The following COL5A2 variants were observed in gnomAD, a reference collection of about 807,000 sequenced individuals.
COL5A2 encodes collagen type V alpha 2 chain, also known as collagen alpha-2(V) chain.
A neutral mutation model predicts 208.2 loss-of-function variants in COL5A2; 23 were observed. The observed-to-expected ratio is 0.11, with a 90% CI of 0.08 to 0.16. The LOEUF is 0.16. COL5A2 is among the 10% of genes least tolerant of loss of function. The pLI is 1.00. For missense variants in COL5A2, 1,590 were observed against 1,956.4 expected (o/e 0.81, Z 3.53); for synonymous variants, 625 against 628.5 (o/e 0.99, Z 0.08).
At chr2:189,301,138 G>A in the COL5A2 span, among the ~76,000 whole-genome samples, 3 of 152,036 alleles carry the variant, frequency 2.0e-5, no homozygotes, top group African/African-American at 7.3e-5. Context: ...AGTGAGCCAT[G>A]ATCATGCCAC....
Position 189,034,086 on chromosome 2 carries a change from G to A in COL5A2, c.4484C>T (p.Pro1495Leu), listed in dbSNP as rs1173449762. 6.2e-7 allele frequency: 1 copy of A among 1,613,892 alleles called. No individual in the cohort carries two copies. ...TGGCTTACTTTACACAAAACAAACTGGCCCAATTTCAACGCCGAATTCCTG... is the reference window on the plus strand; with the variant it reads ...TGGCTTACTTTACACAAAACAAACTAGCCCAATTTCAACGCCGAATTCCTG... ...TDQEFGVEIG[P>L]VCFV Residue 1495 changes from proline (P) to leucine (L), a missense_variant, in exon 54 of 54, where the codon CCA becomes CTA. Physicochemically the swap from Pro to Leu is moderately conservative, Grantham distance 98 (BLOSUM62 -3). Coordinates refer to ENST00000374866, the MANE Select transcript of COL5A2 (RefSeq NM_000393.5).
the COL5A2 span, among the ~76,000 whole-genome samples, chr2:189,353,852 A>G: frequency 6.6e-6 from 1 of 152,080 alleles, no homozygotes; most frequent in Admixed American, 6.6e-5. Context: ...AGAGAGGGCA[A>G]CCTTGTCTTA....
At chr2:189,152,929 C>G (rs1422989585) in intron 1 of COL5A2, among the ~76,000 whole-genome samples, 2 of 152,194 alleles carry the variant, frequency 1.3e-5, no homozygotes, top group Middle Eastern at 3.4e-3. Flanking sequence ...ACTGTAAAAT[C>G]AACACGTGTT....
the COL5A2 span, among the ~76,000 whole-genome samples, chr2:189,333,345 T>C: frequency 1.3e-5 from 2 of 152,166 alleles, no homozygotes; most frequent in Non-Finnish European, 2.9e-5. Flanking sequence ...AGAGTAAGTA[T>C]AAATTACTAA....
chr2:189,127,217 T>C (rs556992171), intron 1 of COL5A2, among the ~76,000 whole-genome samples: 1 of 151,890 alleles, frequency 6.6e-6, no homozygotes, highest in Non-Finnish European at 1.5e-5. Context: ...AAAGCAAAAT[T>C]GAGTGGTTAA....
chr2:189,201,524 G>C (rs953539679), intron 1 of COL5A2, among the ~76,000 whole-genome samples: 1 of 151,848 alleles, frequency 6.6e-6, no homozygotes, highest in Non-Finnish European at 1.5e-5. Context: ...TAGAAGGAGG[G>C]AAACAAGAAA....
chr2:189,116,499 C>T (rs1687393632), intron 1 of COL5A2, among the ~76,000 whole-genome samples: 1 of 152,182 alleles, frequency 6.6e-6, no homozygotes, highest in African/African-American at 2.4e-5. Context: ...AAGTTAGATA[C>T]ATATGAAGCC....
At chr2:189,361,966 T>C in the COL5A2 span, among the ~76,000 whole-genome samples, 6 of 152,158 alleles carry the variant, frequency 3.9e-5, no homozygotes, top group Admixed American at 1.3e-4. Flanking sequence ...ATGTTGCCTA[T>C]CTCTTAGCCA....
chr2:189,436,849 G>A, the COL5A2 span, among the ~76,000 whole-genome samples: 9 of 152,250 alleles, frequency 5.9e-5, no homozygotes, highest in South Asian at 4.1e-4. Flanking sequence ...GGGGCCTGTC[G>A]CAGGGGTGGC....
intron 1 of COL5A2, among the ~76,000 whole-genome samples, chr2:189,115,167 A>T (rs897162364): frequency 6.6e-6 from 1 of 152,200 alleles, no homozygotes; most frequent in Admixed American, 6.5e-5. Context: ...TTATCTGATC[A>T]CATTTTATTT....
the COL5A2 span, among the ~76,000 whole-genome samples, chr2:189,410,339 T>C: frequency 6.6e-6 from 1 of 152,086 alleles, no homozygotes; most frequent in African/African-American, 2.4e-5. Context: ...AGAGGCCAAG[T>C]TGGGAGGATT....
At chr2:189,396,664 A>G in the COL5A2 span, among the ~76,000 whole-genome samples, 2 of 112,846 alleles carry the variant, frequency 1.8e-5, no homozygotes, top group Non-Finnish European at 3.6e-5. Flanking sequence ...ACAGAGCAAG[A>G]CTCCATTAAA....
At chr2:189,171,156 C>T (rs1447693706) in intron 1 of COL5A2, among the ~76,000 whole-genome samples, 1 of 151,794 alleles carries the variant, frequency 6.6e-6, no homozygotes, top group Non-Finnish European at 1.5e-5. Flanking sequence ...GGGTGGCAGC[C>T]TCAAGCAATT....
the COL5A2 span, among the ~76,000 whole-genome samples, chr2:189,245,309 G>T: frequency 6.6e-6 from 1 of 151,858 alleles, no homozygotes; most frequent in Non-Finnish European, 1.5e-5. Context: ...TACTTCTTTG[G>T]TTTTACCCAC....
chr2:189,204,390 T>C (rs551634822), intron 1 of COL5A2, among the ~76,000 whole-genome samples: 1 of 152,352 alleles, frequency 6.6e-6, no homozygotes, highest in Admixed American at 6.5e-5. Flanking sequence ...CATAGTACCT[T>C]ACTTCTCCCA....
At chr2:189,221,018 CAA>C (rs1212366115) in intron 1 of COL5A2, among the ~76,000 whole-genome samples, 1 of 151,992 alleles carries the variant, frequency 6.6e-6, no homozygotes, top group East Asian at 1.9e-4. Flanking sequence ...AATAGGTGTT[CAA>C]ATATCAGTTA....
chr2:189,425,331 C>A, the COL5A2 span, among the ~76,000 whole-genome samples: 5 of 152,070 alleles, frequency 3.3e-5, no homozygotes, highest in Non-Finnish European at 2.9e-5. Flanking sequence ...ATTATATGAT[C>A]GAGCAATCCC....
the COL5A2 span, among the ~76,000 whole-genome samples, chr2:189,426,499 G>A: frequency 6.6e-6 from 1 of 152,126 alleles, no homozygotes; most frequent in Admixed American, 6.5e-5. Context: ...CGGAACCACT[G>A]TTCATCTTAC....
At chr2:189,147,716 T>C (rs1688066743) in intron 1 of COL5A2, among the ~76,000 whole-genome samples, 1 of 152,036 alleles carries the variant, frequency 6.6e-6, no homozygotes, top group Non-Finnish European at 1.5e-5. Context: ...TGCTATAACG[T>C]CTCTAGAAAA....
Sources: allele counts gnomAD v4.1 joint callset (sites outside exome capture counted in the v4.1 genomes callset), GRCh38; gene constraint gnomAD v4.1.1; transcripts MANE v1.5; gene names NCBI Gene and HGNC (gene_info 2026-07-23, HGNC 2026-07-21).